Variants in SH3TC1 observed in about 807,000 individuals in gnomAD.
The protein encoded by SH3TC1 is SH3 domain and tetratricopeptide repeat-containing protein 1.
SH3TC1 carries 135 observed loss-of-function variants against 117.3 expected under a neutral mutation model. The observed-to-expected ratio is 1.15, with a 90% CI of 1.00 to 1.33. The LOEUF is 1.33. SH3TC1 is among the 40% of genes most tolerant of loss of function. The pLI is 0.00. For missense variants in SH3TC1, 2,092 were observed against 1,794.3 expected, an observed-to-expected ratio of 1.17 and a Z score of -3.00; for synonymous variants, 898 against 816.9, an observed-to-expected ratio of 1.10 and a Z score of -1.69.
Position 8,208,369 on chromosome 4 carries a change from C to CTTTTTTTTTTTTT in SH3TC1, c.173-1370_173-1369insTTTTTTTTTTTTT, listed in dbSNP as rs151217437. ...TTCTTTCCATTTGAAACATTTCTTT[C>CTTTTTTTTTTTTT]TTTTTTTTTATTTTTTGAGATGGAG... On this transcript the variant is annotated intron_variant, in intron 2 of 17. Coordinates refer to ENST00000245105, the MANE Select transcript of SH3TC1 (RefSeq NM_018986.5). 1.4e-5 allele frequency among the ~76,000 whole-genome samples: 2 copies of CTTTTTTTTTTTTT among 140,734 alleles called. 1 individual carries two copies. Among genetic ancestry groups the CTTTTTTTTTTTTT allele is most frequent in the Non-Finnish European group, 3.1e-5 (2 of 65,138 alleles). The allele number at this position is 140,734 out of a possible 152,430, so 92.3% of individuals were successfully genotyped here.
At chr4:8,188,584 C>A (rs960415402) in intron 1 of SH3TC1, among the ~76,000 whole-genome samples, 1 of 152,258 alleles carries the variant, frequency 6.6e-6, no homozygotes, top group Admixed American at 6.5e-5. Context: ...TCCCGGTCCC[C>A]CCTCTGTGGT....
At position 8,205,589 on chromosome 4, in the gene SH3TC1, T is replaced by C. The variant is rs781199493; in HGVS notation, c.172+223T>C. 3.8e-6 allele frequency: 3 copies of C among 785,558 alleles called. No individual in the cohort carries two copies. The East Asian group carries it at 7.3e-5, about 19-fold the overall frequency. 48.7% of individuals were successfully genotyped at this position (785,558 alleles called of 1,614,324 possible). A position where few individuals can be genotyped will look rare whatever the true frequency, so the allele number is the denominator to read the frequency against. On this transcript the variant is annotated intron_variant, in intron 2 of 17. Coordinates refer to ENST00000245105, the MANE Select transcript of SH3TC1 (RefSeq NM_018986.5). This position sits in a 1 kb window ranked among gnomAD's most constrained non-coding sequence, Gnocchi z 5.4. ...AGAGGCCAGGGCCCAGCTCGTGTTT[T>C]TCCAGGGACGCGTCAGTGATAACAA...
At chr4:8,191,887 G>C (rs1043094538) in intron 1 of SH3TC1, among the ~76,000 whole-genome samples, 19 of 152,140 alleles carry the variant, frequency 1.2e-4, no homozygotes, top group African/African-American at 4.6e-4. Context: ...AAAGATGACG[G>C]GGCTGCTCAG....
chr4:8,240,751 C>T lies in SH3TC1; in HGVS notation c.3807C>T (p.Asp1269=), dbSNP rs1722256907. 4 of 1,612,250 alleles carry T rather than the reference C, an allele frequency of 2.5e-6. No individual in the cohort carries two copies. Among genetic ancestry groups the T allele is most frequent in the Middle Eastern group, 3.3e-4 (2 of 6,058 alleles). ...YYQLALAAAV[D]LGNKKAQLKI... ...AGCTGGCGCTGGCAGCCGCCGTGGA[C>T]CTGGGCAACAAGAAGGCACAGCTGA... The change falls in exon 18 of 18, where the codon GAC becomes GAT. Residue 1269 remains aspartate, a synonymous_variant. Transcript: ENST00000245105.
rs1719682222 is a variant in SH3TC1 at position 8,219,446 on chromosome 4, C to T, written c.1028C>T (p.Pro343Leu). 1.2e-6 allele frequency: 2 copies of T among 1,610,540 alleles called. No homozygotes were observed. The highest frequency in any genetic ancestry group is 3.3e-4 in the Middle Eastern group (2 of 6,050). The change falls in exon 9 of 18, where the codon CCC becomes CTC. Residue 343 changes from proline (P) to leucine (L), a missense_variant. Coordinates refer to ENST00000245105, the MANE Select transcript of SH3TC1 (RefSeq NM_018986.5). ...EILGAQVPSLPWCVGRHAASG... is the reference protein window; with the variant it reads ...EILGAQVPSLLWCVGRHAASG... ...CTTGGGGCGCAGGTGCCCAGCCTGC[C>T]CTGGTGCGTGGGCCGACACGCAGCC...
intron 9 of SH3TC1, among the ~76,000 whole-genome samples, chr4:8,222,455 C>A (rs571079428): frequency 1.7e-4 from 25 of 146,172 alleles, no homozygotes; most frequent in African/African-American, 6.1e-4. Context: ...CTCACTGCAA[C>A]CTCTTCCTCC....
Position 8,192,447 on chromosome 4 carries a change from C to CTTT in SH3TC1, c.-57+10238_-57+10240dup, listed in dbSNP as rs1022844300. ...ACAATCTTCTTATCCAACCACTTGT[C>CTTT]TTTATTTTATTTTATTTTATTTTAT... On this transcript the variant is annotated intron_variant, in intron 1 of 16. Coordinates refer to the SH3TC1 transcript ENST00000508641. This position sits in a 1 kb window ranked among gnomAD's most constrained non-coding sequence, Gnocchi z 4.1. Among the ~76,000 whole-genome samples the CTTT allele has an allele frequency of 1.4e-5, 2 of 138,368 alleles. No individual in the cohort carries two copies. Among genetic ancestry groups the CTTT allele is most frequent in the Non-Finnish European group, 3.1e-5 (2 of 63,786 alleles). 90.8% of individuals were successfully genotyped at this position (138,368 alleles called of 152,430 possible). A position where few individuals can be genotyped will look rare whatever the true frequency, so the allele number is the denominator to read the frequency against.
rs773456628 is a variant in SH3TC1, at chr4:8,205,677, G to A, written c.172+311G>A. 1.3e-6 allele frequency: 1 copy of A among 749,540 alleles called. No individual in the cohort carries two copies. The highest frequency in any genetic ancestry group is 1.8e-5 in the Admixed American group (1 of 55,934). The allele number at this position is 749,540 out of a possible 1,614,324, so 46.4% of individuals were successfully genotyped here. ...ATGTTCAGAGACCGTTCCAGAAACA[G>A]TCCGATGGGTTTGGCCTTGGAACCC... is the stretch of plus-strand genomic sequence containing the variant. On this transcript the variant is annotated intron_variant, in intron 2 of 17. Transcript: ENST00000245105. This position sits in a 1 kb window ranked among gnomAD's most constrained non-coding sequence, Gnocchi z 5.4.
In SH3TC1 at chr4:8,205,692, C is replaced by T. The variant is rs760027809; in HGVS notation, c.172+326C>T. The T allele has an allele frequency of 1.4e-6, 1 of 727,076 alleles. No individual in the cohort carries two copies. Among genetic ancestry groups the T allele is most frequent in the Non-Finnish European group, 2.5e-6 (1 of 397,552 alleles). 45.0% of individuals were successfully genotyped at this position (727,076 alleles called of 1,614,324 possible). The stretch of plus-strand genomic sequence containing the variant: ...TCCAGAAACAGTCCGATGGGTTTGG[C>T]CTTGGAACCCCTGAGAGTCCTCAGG... On this transcript the variant is annotated intron_variant, in intron 2 of 17. Coordinates refer to ENST00000245105, the MANE Select transcript of SH3TC1 (RefSeq NM_018986.5). This position sits in a 1 kb window ranked among gnomAD's most constrained non-coding sequence, Gnocchi z 5.4.
intron 3 of SH3TC1, among the ~76,000 whole-genome samples, chr4:8,211,890 C>T (rs1718767617): frequency 6.6e-6 from 1 of 152,070 alleles, no homozygotes; most frequent in African/African-American, 2.4e-5. Context: ...CAGGGATGGC[C>T]CAGAGTAGGG....
chr4:8,231,064 G>A (rs565575141), intron 12 of SH3TC1: 6 of 152,324 alleles, frequency 3.9e-5, no homozygotes, highest in Non-Finnish European at 5.9e-5. Flanking sequence ...TGACAGGCAT[G>A]AGCCATTGCT....
At chr4:8,189,759 C>T (rs1037907207) in intron 1 of SH3TC1, among the ~76,000 whole-genome samples, 1 of 152,186 alleles carries the variant, frequency 6.6e-6, no homozygotes, top group Non-Finnish European at 1.5e-5. Context: ...GGCACAGGCC[C>T]TCATTCTGAG....
At chr4:8,222,483 C>A (rs534982609) in intron 9 of SH3TC1, among the ~76,000 whole-genome samples, 8 of 147,620 alleles carry the variant, frequency 5.4e-5, no homozygotes, top group Non-Finnish European at 1.0e-4. Flanking sequence ...AAGTGATTCT[C>A]CTGCCTCAGC....
In SH3TC1 at chr4:8,225,014, C is replaced by T; in HGVS notation, c.1244-161C>T. 2.4e-6 allele frequency: 2 copies of T among 836,148 alleles called. No individual in the cohort carries two copies. Among genetic ancestry groups the T allele is most frequent in the South Asian group, 3.4e-5 (2 of 59,224 alleles). 51.8% of individuals were successfully genotyped at this position (836,148 alleles called of 1,614,324 possible). On this transcript the variant is annotated intron_variant, in intron 10 of 17. Coordinates refer to ENST00000245105, the MANE Select transcript of SH3TC1 (RefSeq NM_018986.5). The surrounding 1 kb of genome is among the most constrained non-coding windows in gnomAD (Gnocchi z 5.5). ...CTCAGCCTGCAACACCTGCACCCTGCAACACTCCAGCCCGCAACACCAGCA... is the reference window on the plus strand; with the variant it reads ...CTCAGCCTGCAACACCTGCACCCTGTAACACTCCAGCCCGCAACACCAGCA...
intron 2 of SH3TC1, among the ~76,000 whole-genome samples, chr4:8,208,475 C>T (rs1425060047): frequency 6.6e-6 from 1 of 150,430 alleles, no homozygotes; most frequent in Non-Finnish European, 1.5e-5. Context: ...TCAAGTGATT[C>T]TCCTGCCTCA....
At chr4:8,224,330 T>C (rs998060758) in intron 10 of SH3TC1, among the ~76,000 whole-genome samples, 34 of 152,236 alleles carry the variant, frequency 2.2e-4, no homozygotes, top group African/African-American at 7.7e-4. Flanking sequence ...CCTTCCTGAA[T>C]GGACAAACTT....
In SH3TC1 at chr4:8,183,140, C is replaced by A. The variant is rs1367508913; in HGVS notation, c.-57+930C>A. Among the ~76,000 whole-genome samples the A allele has an allele frequency of 6.6e-6, 1 of 152,136 alleles. No individual in the cohort carries two copies. The highest frequency in any genetic ancestry group is 1.5e-5 in the Non-Finnish European group (1 of 68,006). On this transcript the variant is annotated intron_variant, in intron 1 of 16. Coordinates refer to the SH3TC1 transcript ENST00000508641. The surrounding 1 kb of genome is among the most constrained non-coding windows in gnomAD (Gnocchi z 5.4). ...GCATGCCATCCGCCTGGCGACCTTG[C>A]CTCCCTCTCCCGCTGGGGCTATAGA...
chr4:8,208,367 T>A (rs1179924273), intron 2 of SH3TC1, among the ~76,000 whole-genome samples: 1 of 48,636 alleles, frequency 2.1e-5, no homozygotes. Context: ...AAACATTTCT[T>A]TCTTTTTTTT....
rs137998780 is a variant in SH3TC1 at position 8,233,257 on chromosome 4, G to A, written c.3132-106G>A. 8.7e-5 allele frequency: 129 copies of A among 1,482,308 alleles called. No homozygotes were observed. In the East Asian group the frequency reaches 2.6e-3, roughly 30 times the overall value. 91.8% of individuals were successfully genotyped at this position (1,482,308 alleles called of 1,614,324 possible). A position where few individuals can be genotyped will look rare whatever the true frequency, so the allele number is the denominator to read the frequency against. ...AGGACACTGCACACACAAGAGGGCC[G>A]TTCCCAGTCCCATTCCAGATTCATC... On this transcript the variant is annotated intron_variant, in intron 13 of 17. Coordinates refer to ENST00000245105, the MANE Select transcript of SH3TC1 (RefSeq NM_018986.5).
Sources: allele counts gnomAD v4.1 joint callset (sites outside exome capture counted in the v4.1 genomes callset), GRCh38; gene constraint gnomAD v4.1.1; non-coding constraint Gnocchi (gnomAD v3.1); transcripts MANE v1.5; gene names NCBI Gene and HGNC (gene_info 2026-07-23, HGNC 2026-07-21).